Variants in WWP2 observed in about 807,000 individuals in gnomAD.
WWP2 encodes NEDD4-like E3 ubiquitin-protein ligase WWP2.
A neutral mutation model predicts 121.0 loss-of-function variants in WWP2; 57 were observed. That is an observed-to-expected ratio of 0.47 (90% CI 0.38 to 0.59). WWP2 has a LOEUF of 0.59. Ranked by LOEUF, WWP2 falls within the 20% of genes least tolerant of loss-of-function variation. The probability of loss-of-function intolerance (pLI) is 0.00; values close to 1 mark genes in which losing one functional copy is unlikely to be tolerated. For missense variants in WWP2, 962 were observed against 1,158.9 expected, an observed-to-expected ratio of 0.83 and a Z score of 2.47; for synonymous variants, 449 against 441.3, an observed-to-expected ratio of 1.02 and a Z score of -0.22.
At chr16:69,805,271 G>C (rs891010099) in intron 4 of WWP2, among the ~76,000 whole-genome samples, 1 of 151,958 alleles carries the variant, frequency 6.6e-6, no homozygotes, top group African/African-American at 2.4e-5. Flanking sequence ...CCTGACCTCA[G>C]GCGATTTGCC....
At chr16:69,922,023 A>C (rs1023456635) in intron 10 of WWP2, among the ~76,000 whole-genome samples, 2 of 150,258 alleles carry the variant, frequency 1.3e-5, no homozygotes, top group Non-Finnish European at 3.0e-5. Flanking sequence ...GGTTGTGGTG[A>C]GCTGAGATCA....
chr16:69,840,325 G>A lies in WWP2; in HGVS notation c.478+62G>A, dbSNP rs2056954934. On this transcript the variant is annotated intron_variant, in intron 5 of 23. Coordinates refer to ENST00000359154, the MANE Select transcript of WWP2 (RefSeq NM_001270454.2). Reference sequence around the variant, plus strand: ...CAGGGTGGGGCTGGGCGGGGGCCAGGAGGTGCTGAGAGCTTGGTTCTTACT... The same window carrying A: ...CAGGGTGGGGCTGGGCGGGGGCCAGAAGGTGCTGAGAGCTTGGTTCTTACT... 3 of 1,601,938 alleles carry A rather than the reference G, an allele frequency of 1.9e-6. No homozygotes were observed. In the South Asian group the frequency reaches 3.3e-5, roughly 18 times the overall value.
intron 10 of WWP2, among the ~76,000 whole-genome samples, chr16:69,919,621 G>T (rs1299450513): frequency 6.6e-6 from 1 of 152,184 alleles, no homozygotes; most frequent in Non-Finnish European, 1.5e-5. Context: ...TGGAGGTGGG[G>T]AAGCCCAGCT....
chr16:69,876,468 G>A lies in WWP2; in HGVS notation c.703+4537G>A, dbSNP rs142863308. ...TAACCTACACCTCCCGGGTTCAAGT[G>A]ATTCTTGTGCCTCAGCCTCCAAAGT... On this transcript the variant is annotated intron_variant, in intron 7 of 23. Transcript: ENST00000359154. Among the ~76,000 whole-genome samples, 773 of 151,652 alleles carry A rather than the reference G, an allele frequency of 5.1e-3. 6 individuals carry two copies. The highest frequency in any genetic ancestry group is 0.018 in the African/African-American group (741 of 41,368).
intron 16 of WWP2, among the ~76,000 whole-genome samples, chr16:69,932,451 G>A (rs1433320948): frequency 1.3e-5 from 2 of 152,276 alleles, no homozygotes; most frequent in African/African-American, 4.8e-5. Flanking sequence ...ACTGGGTCAT[G>A]AGGCGACGGA....
intron 1 of WWP2, among the ~76,000 whole-genome samples, chr16:69,781,144 G>A (rs2055655789): frequency 6.6e-6 from 1 of 151,830 alleles, no homozygotes; most frequent in Admixed American, 6.6e-5. Context: ...GAAAAAAAAA[G>A]AACTGAGATG....
At chr16:69,869,795 C>A (rs746123857) in intron 6 of WWP2, among the ~76,000 whole-genome samples, 2 of 152,080 alleles carry the variant, frequency 1.3e-5, no homozygotes, top group Non-Finnish European at 2.9e-5. Context: ...TTGTCAAATT[C>A]TGTTTCTTAC....
intron 6 of WWP2, among the ~76,000 whole-genome samples, chr16:69,852,101 T>G (rs949622576): frequency 3.9e-5 from 6 of 152,198 alleles, no homozygotes; most frequent in Non-Finnish European, 7.3e-5. Flanking sequence ...ACTGCTAAAC[T>G]GTTTTCCAAA....
At position 69,936,003 on chromosome 16, in the gene WWP2, C is replaced by A; in HGVS notation, c.1976+17C>A. 1 of 1,612,526 alleles carries A rather than the reference C, an allele frequency of 6.2e-7. No individual in the cohort carries two copies. The highest frequency in any genetic ancestry group is 1.7e-4 in the Middle Eastern group (1 of 6,042). On this transcript the variant is annotated intron_variant, in intron 18 of 23. Transcript: ENST00000359154. ...CTGGATCAAGTGAGTTCCCTGCCCC[C>A]TTGCCCCACCGCGCTGATAGGAGGG...
At chr16:69,780,326 A>G (rs2055637881) in intron 1 of WWP2, among the ~76,000 whole-genome samples, 1 of 151,590 alleles carries the variant, frequency 6.6e-6, no homozygotes, top group Admixed American at 6.6e-5. Context: ...CATATATTTC[A>G]GGTACTATAT....
chr16:69,856,565 G>A (rs1178451203), intron 6 of WWP2, among the ~76,000 whole-genome samples: 3 of 152,008 alleles, frequency 2.0e-5, no homozygotes, highest in Admixed American at 6.6e-5. Context: ...TCACGAGGTC[G>A]GGAGATCGAG....
At chr16:69,873,435 C>G (rs2057678321) in intron 7 of WWP2, among the ~76,000 whole-genome samples, 1 of 152,204 alleles carries the variant, frequency 6.6e-6, no homozygotes, top group Admixed American at 6.5e-5. Context: ...CTTGAGTGAA[C>G]TGACTAGCCC....
intron 7 of WWP2, among the ~76,000 whole-genome samples, chr16:69,883,539 T>G (rs2057868453): frequency 6.6e-6 from 1 of 152,134 alleles, no homozygotes; most frequent in African/African-American, 2.4e-5. Flanking sequence ...TGTTTCCAAA[T>G]CTGAACTCAA....
intron 9 of WWP2, chr16:69,909,575 T>C (rs1238601202): frequency 1.0e-6 from 1 of 985,344 alleles, no homozygotes; most frequent in African/African-American, 1.7e-5. Context: ...GTAGAATGCT[T>C]GAGTTTTCCT....
At chr16:69,768,839 A>T (rs766138227) in intron 1 of WWP2, among the ~76,000 whole-genome samples, 11 of 152,026 alleles carry the variant, frequency 7.2e-5, no homozygotes, top group Non-Finnish European at 1.2e-4. Flanking sequence ...CTTTGTAAGG[A>T]TGTCATTTGG....
chr16:69,801,082 A>G (rs2056154356), intron 4 of WWP2, among the ~76,000 whole-genome samples: 1 of 148,056 alleles, frequency 6.8e-6, no homozygotes, highest in Non-Finnish European at 1.5e-5. Context: ...CCGGCTACTC[A>G]GGACGCTGAG....
chr16:69,868,745 C>A (rs976599662), intron 6 of WWP2, among the ~76,000 whole-genome samples: 4 of 152,150 alleles, frequency 2.6e-5, no homozygotes, highest in Non-Finnish European at 4.4e-5. Context: ...TTGCTGAGGG[C>A]TGCCTGCCTT....
chr16:69,848,869 T>A (rs984322558), intron 6 of WWP2, among the ~76,000 whole-genome samples: 1 of 152,210 alleles, frequency 6.6e-6, no homozygotes, highest in African/African-American at 2.4e-5. Flanking sequence ...ATCTGCATTT[T>A]AAGATGTCTT....
chr16:69,792,751 G>A (rs971453829), intron 2 of WWP2, among the ~76,000 whole-genome samples: 3 of 152,154 alleles, frequency 2.0e-5, no homozygotes, highest in Non-Finnish European at 4.4e-5. Flanking sequence ...GAGTGCAGTG[G>A]CACAATTACA....
Sources: gnomAD v4.1 joint callset for allele counts (sites outside exome capture counted in the v4.1 genomes callset) on GRCh38, gnomAD v4.1.1 for gene constraint, MANE v1.5 for transcripts, NCBI Gene and HGNC (gene_info 2026-07-23, HGNC 2026-07-21) for gene names.